Variants in TEAD1 observed in about 807,000 individuals in gnomAD.
The protein encoded by TEAD1 is TEA domain transcription factor 1, also known as transcriptional enhancer factor TEF-1.
Under a neutral mutation model 54.9 loss-of-function variants are expected in TEAD1, and 9 were observed. That is an observed-to-expected ratio of 0.16 (90% CI 0.10 to 0.29). TEAD1 has a LOEUF of 0.29. Among genes scored for constraint, TEAD1 ranks in the 10% least tolerant of loss-of-function variants. The pLI is 1.00. For synonymous variants in TEAD1, 200 were observed against 187.8 expected, an observed-to-expected ratio of 1.07 and a Z score of -0.53; for missense variants, 387 against 535.9, an observed-to-expected ratio of 0.72 and a Z score of 2.74.
chr11:12,711,910 C>G (rs1407465948), intron 2 of TEAD1, among the ~76,000 whole-genome samples: 1 of 152,130 alleles, frequency 6.6e-6, no homozygotes, highest in East Asian at 1.9e-4. Context: ...ATCAAGCTTC[C>G]TGATCTCATC....
At chr11:12,888,667 C>G (rs886500917) in intron 9 of TEAD1, among the ~76,000 whole-genome samples, 14 of 152,202 alleles carry the variant, frequency 9.2e-5, no homozygotes, top group African/African-American at 3.4e-4. Context: ...TGAAGACTTC[C>G]TCACAACCCC....
intron 3 of TEAD1, among the ~76,000 whole-genome samples, chr11:12,853,512 CATT>C (rs1216417442): frequency 1.3e-5 from 2 of 152,182 alleles, no homozygotes; most frequent in African/African-American, 4.8e-5. Flanking sequence ...TCAAACTACT[CATT>C]AGAGGATTAA....
intron 4 of TEAD1, among the ~76,000 whole-genome samples, chr11:12,863,868 T>G (rs551245047): frequency 6.6e-6 from 1 of 152,286 alleles, no homozygotes. Flanking sequence ...CCCGGCATCC[T>G]GGGGATGTTT....
rs552568555 is a variant in TEAD1 at position 12,809,930 on chromosome 11, TGAG to T, written c.202+45501_202+45503del. On this transcript the variant is annotated intron_variant, in intron 3 of 12. Coordinates refer to ENST00000527636, the MANE Select transcript of TEAD1 (RefSeq NM_021961.6). Reference sequence around the variant, plus strand: ...TCTGGACCAGCCGATGGGGAGTGGGTGAGGAGGTGTGGAGGAGGAAAGAAAGAA... The same window carrying T: ...TCTGGACCAGCCGATGGGGAGTGGGTGAGGTGTGGAGGAGGAAAGAAAGAA... Among the ~76,000 whole-genome samples, 287 of 149,610 alleles carry T rather than the reference TGAG, an allele frequency of 1.9e-3. 3 individuals carry two copies. Among genetic ancestry groups the T allele is most frequent in the Non-Finnish European group, 1.7e-3 (114 of 67,660 alleles).
intron 3 of TEAD1, among the ~76,000 whole-genome samples, chr11:12,807,417 C>T (rs1946198400): frequency 6.6e-6 from 1 of 152,138 alleles, no homozygotes; most frequent in Non-Finnish European, 1.5e-5. Flanking sequence ...GTCCTGAAAT[C>T]ACAGTCCTGC....
At chr11:12,680,382 C>G (rs965317442) in intron 2 of TEAD1, among the ~76,000 whole-genome samples, 1 of 152,222 alleles carries the variant, frequency 6.6e-6, no homozygotes, top group Non-Finnish European at 1.5e-5. Flanking sequence ...GGAGAGCCCG[C>G]GGAAACCAAA....
intron 3 of TEAD1, among the ~76,000 whole-genome samples, chr11:12,816,816 A>C (rs1946425779): frequency 6.6e-6 from 1 of 152,152 alleles, no homozygotes; most frequent in Admixed American, 6.5e-5. Context: ...GGTTTAGTGG[A>C]GGGGACAAAG....
At chr11:12,689,502 A>G (rs1943406799) in intron 2 of TEAD1, among the ~76,000 whole-genome samples, 1 of 152,196 alleles carries the variant, frequency 6.6e-6, no homozygotes, top group Non-Finnish European at 1.5e-5. Flanking sequence ...GTGCAGGTTC[A>G]GTGAGGGTGA....
intron 10 of TEAD1, among the ~76,000 whole-genome samples, chr11:12,920,807 C>T (rs1948791555): frequency 6.6e-6 from 1 of 152,158 alleles, no homozygotes; most frequent in Admixed American, 6.5e-5. Context: ...CTTTTCTGCT[C>T]AACACAAACT....
At chr11:12,843,493 A>G (rs1485425618) in intron 3 of TEAD1, among the ~76,000 whole-genome samples, 1 of 152,236 alleles carries the variant, frequency 6.6e-6, no homozygotes, top group African/African-American at 2.4e-5. Flanking sequence ...AATGAAATTC[A>G]ATATAGCTTT....
In TEAD1 at chr11:12,697,938, G is replaced by A. The variant is rs568750203; in HGVS notation, c.-55+22377G>A. The stretch of plus-strand genomic sequence containing the variant: ...GCTGGGAGACTGAGGTGGGAGAATC[G>A]CTTGAACCCAGGAGTCAAAGGTTGC... On this transcript the variant is annotated intron_variant, in intron 2 of 12. Coordinates refer to ENST00000527636, the MANE Select transcript of TEAD1 (RefSeq NM_021961.6). Among the ~76,000 whole-genome samples, 15 of 151,580 alleles carry A rather than the reference G, an allele frequency of 9.9e-5. No homozygotes were observed. The East Asian group carries it at 2.9e-3, about 30-fold the overall frequency.
At chr11:12,711,685 T>C (rs1943942059) in intron 2 of TEAD1, among the ~76,000 whole-genome samples, 1 of 152,202 alleles carries the variant, frequency 6.6e-6, no homozygotes, top group Non-Finnish European at 1.5e-5. Context: ...CTTTACCCTC[T>C]GGGGGTTTTT....
At chr11:12,908,883 G>GTTTCTGTTTTTTTTTTTTTTTTTTTTTTT (rs1948565359) in intron 10 of TEAD1, among the ~76,000 whole-genome samples, 1 of 99,662 alleles carries the variant, frequency 1.0e-5, no homozygotes, top group Non-Finnish European at 2.3e-5. Flanking sequence ...CAAATTATCT[G>GTTTCTGTTTTTTTTTTTTTTTTTTTTTTT]TTTTTTTTTT....
rs927343799 is a variant in TEAD1, at chr11:12,830,443, G to A, written c.203-31807G>A. Among the ~76,000 whole-genome samples, 22 of 152,182 alleles carry A rather than the reference G, an allele frequency of 1.4e-4. No homozygotes were observed. In the East Asian group the frequency reaches 4.1e-3, roughly 28 times the overall value. On this transcript the variant is annotated intron_variant, in intron 3 of 12. Transcript: ENST00000527636. ...TTGGCCTCTCCTACCAGCTCCTGAA[G>A]GGTAGCTTCATGTTACATCTGGCTG...
At chr11:12,797,817 A>G (rs1179357996) in intron 3 of TEAD1, among the ~76,000 whole-genome samples, 1 of 151,902 alleles carries the variant, frequency 6.6e-6, no homozygotes, top group Non-Finnish European at 1.5e-5. Flanking sequence ...AGTGTATCCT[A>G]TCTACTATTT....
chr11:12,849,902 T>C (rs1240862433), intron 3 of TEAD1, among the ~76,000 whole-genome samples: 1 of 152,218 alleles, frequency 6.6e-6, no homozygotes, highest in Non-Finnish European at 1.5e-5. Context: ...TCACAATAAG[T>C]GCTCTGTTTA....
At chr11:12,882,542 C>T (rs1200548621) in intron 8 of TEAD1, among the ~76,000 whole-genome samples, 3 of 152,142 alleles carry the variant, frequency 2.0e-5, no homozygotes, top group South Asian at 2.1e-4. Flanking sequence ...AATGCTTTCA[C>T]GTATTGCCCT....
chr11:12,839,265 G>A (rs1946974353), intron 3 of TEAD1, among the ~76,000 whole-genome samples: 1 of 152,090 alleles, frequency 6.6e-6, no homozygotes, highest in African/African-American at 2.4e-5. Flanking sequence ...ACAAAAATTA[G>A]CCGGGTGTGG....
intron 10 of TEAD1, among the ~76,000 whole-genome samples, 170 bp downstream of exon 10, chr11:12,902,283 C>T (rs780192078): frequency 1.5e-4 from 23 of 152,234 alleles, no homozygotes; most frequent in Non-Finnish European, 2.1e-4. Flanking sequence ...GTCCTCATGC[C>T]GGCCTTATGC....
Sources: allele counts gnomAD v4.1 joint callset (sites outside exome capture counted in the v4.1 genomes callset), GRCh38; gene constraint gnomAD v4.1.1; transcripts MANE v1.5; gene names NCBI Gene and HGNC (gene_info 2026-07-23, HGNC 2026-07-21).